The following ACACA variants were observed in gnomAD, a reference collection of about 807,000 sequenced individuals.
ACACA encodes the protein acetyl-CoA carboxylase alpha.
In ACACA, 103 loss-of-function variants were observed where a neutral mutation model predicts 296.1. That is an observed-to-expected ratio of 0.35 (90% CI 0.30 to 0.41). The LOEUF (loss-of-function observed/expected upper bound fraction) is 0.41, where lower values mean the gene tolerates loss of function less well. Among genes scored for constraint, ACACA ranks in the 10% least tolerant of loss-of-function variants. The pLI is 1.00. For missense variants in ACACA, 1,554 were observed against 2,989.7 expected (o/e 0.52, Z 11.20); for synonymous variants, 953 against 1,038.6 (o/e 0.92, Z 1.58).
intron 45 of ACACA, among the ~76,000 whole-genome samples, chr17:37,147,359 G>C (rs2075855576): frequency 3.9e-5 from 6 of 152,094 alleles, no homozygotes; most frequent in Admixed American, 3.9e-4. Flanking sequence ...CAAAGAGACA[G>C]AAAGATCAGC....
intron 18 of ACACA, among the ~76,000 whole-genome samples, chr17:37,247,463 G>A (rs951521253): frequency 2.0e-5 from 3 of 150,926 alleles, no homozygotes; most frequent in African/African-American, 4.9e-5. Flanking sequence ...CACCTCCCAG[G>A]TTCACGTGAT....
chr17:37,089,181 T>C, intron 54 of ACACA, 107 bp from the exon 55 acceptor site: 1 of 1,483,658 alleles, frequency 6.7e-7, no homozygotes. Flanking sequence ...GTGCTCCGTG[T>C]CCACGATTCT....
chr17:37,148,508 G>A (rs1253384160), intron 45 of ACACA, among the ~76,000 whole-genome samples: 1 of 152,100 alleles, frequency 6.6e-6, no homozygotes, highest in Admixed American at 6.5e-5. Context: ...TTAAACCAAT[G>A]GAATTATCAA....
At chr17:37,240,142 A>G (rs2080319321) in intron 24 of ACACA, among the ~76,000 whole-genome samples, 1 of 152,200 alleles carries the variant, frequency 6.6e-6, no homozygotes, top group Non-Finnish European at 1.5e-5. Context: ...GGGTTTCTCA[A>G]TTTCAGCCTG....
At chr17:37,232,953 C>A (rs929675726) in intron 25 of ACACA, among the ~76,000 whole-genome samples, 1 of 152,060 alleles carries the variant, frequency 6.6e-6, no homozygotes, top group African/African-American at 2.4e-5. Context: ...TGAAACAGCT[C>A]TTTTCCCTAA....
Position 37,085,938 on chromosome 17 carries a change from G to C in ACACA, c.*1378C>G, listed in dbSNP as rs914900093. ...AGGAACCGGATGCTACACCAGCCCTGATCACCTGCCACTCTTGCTTTAGGA... is the reference window on the plus strand; with the variant it reads ...AGGAACCGGATGCTACACCAGCCCTCATCACCTGCCACTCTTGCTTTAGGA... On this transcript the variant is annotated 3_prime_UTR_variant, in exon 56 of 56. Coordinates refer to ENST00000616317, the MANE Select transcript of ACACA (RefSeq NM_198834.3). 2.5e-6 allele frequency: 1 copy of C among 398,206 alleles called. No homozygotes were observed. The highest frequency in any genetic ancestry group is 4.4e-6 in the Non-Finnish European group (1 of 226,024). 24.7% of individuals were successfully genotyped at this position (398,206 alleles called of 1,614,324 possible).
chr17:37,088,405 G>T (rs1386856969), intron 55 of ACACA, among the ~76,000 whole-genome samples: 1 of 152,168 alleles, frequency 6.6e-6, no homozygotes, highest in East Asian at 1.9e-4. Flanking sequence ...GGGAGAAAAT[G>T]TAACAGGTAA....
chr17:37,336,346 GA>G (rs1390891079), intron 2 of ACACA, among the ~76,000 whole-genome samples: 1 of 152,160 alleles, frequency 6.6e-6, no homozygotes, highest in Non-Finnish European at 1.5e-5. Flanking sequence ...TTCCTGTTGA[GA>G]GGGGGGACTG....
intron 3 of ACACA, among the ~76,000 whole-genome samples, chr17:37,304,770 C>A (rs2083791220): frequency 6.8e-6 from 1 of 146,086 alleles, no homozygotes; most frequent in African/African-American, 2.6e-5. Flanking sequence ...GCCTGGGCAA[C>A]AAGAGCGAAA....
At chr17:37,299,227 A>T in intron 3 of ACACA, 1 of 1,559,662 alleles carries the variant, frequency 6.4e-7, no homozygotes, top group Non-Finnish European at 8.8e-7. Flanking sequence ...TCAGTACCTT[A>T]CTGTTTTTTT....
chr17:37,361,683 A>C (rs1433413920), intron 1 of ACACA, among the ~76,000 whole-genome samples: 2 of 152,198 alleles, frequency 1.3e-5, no homozygotes, highest in Non-Finnish European at 2.9e-5. Flanking sequence ...GAATTTCAGC[A>C]ACCCCTGAGT....
chr17:37,173,982 T>TA (rs2076973842), intron 41 of ACACA, among the ~76,000 whole-genome samples: 1 of 19,450 alleles, frequency 5.1e-5, no homozygotes, highest in African/African-American at 1.7e-4. Flanking sequence ...CCTGGCTAAT[T>TA]TATATATATA....
At chr17:37,193,337 A>AC (rs1567793210) in intron 36 of ACACA, 37 bp downstream of exon 36, 1 of 1,217,728 alleles carries the variant, frequency 8.2e-7, no homozygotes, top group African/African-American at 1.5e-5. Context: ...AGAAAAAGTA[A>AC]TTTTTTTTTT....
chr17:37,351,861 T>C (rs145874574), intron 1 of ACACA, among the ~76,000 whole-genome samples: 6 of 151,786 alleles, frequency 4.0e-5, no homozygotes, highest in African/African-American at 1.5e-4. Flanking sequence ...CCTCTTCTAA[T>C]TGTTTTAGAT....
chr17:37,358,319 C>A (rs143225886), intron 1 of ACACA, among the ~76,000 whole-genome samples: 5 of 152,358 alleles, frequency 3.3e-5, no homozygotes, highest in African/African-American at 1.2e-4. Context: ...TCATTAGCTT[C>A]ACATCAGCTT....
chr17:37,135,934 G>A (rs1278977719), intron 45 of ACACA, among the ~76,000 whole-genome samples: 1 of 146,294 alleles, frequency 6.8e-6, no homozygotes, highest in Non-Finnish European at 1.5e-5. Context: ...TTTTTGTAGA[G>A]ACAAGGTCTT....
chr17:37,406,552 T>C lies in ACACA; in HGVS notation c.-253A>G. 1.7e-6 allele frequency: 1 copy of C among 602,056 alleles called. No homozygotes were observed. Among genetic ancestry groups the C allele is most frequent in the Non-Finnish European group, 3.0e-6 (1 of 338,592 alleles). 37.3% of individuals were successfully genotyped at this position (602,056 alleles called of 1,614,324 possible). A position where few individuals can be genotyped will look rare whatever the true frequency, so the allele number is the denominator to read the frequency against. ...GCAACAGGGGTGGAGATGGGAACGT[T>C]ATCCCCAAACCCAGGCAGTCCCGGC... On this transcript the variant is annotated 5_prime_UTR_variant, in exon 1 of 56. The change creates a new upstream start codon in the 5' untranslated region. Coordinates refer to ENST00000616317, the MANE Select transcript of ACACA (RefSeq NM_198834.3).
At chr17:37,088,313 T>TAACA (rs1205079860) in intron 55 of ACACA, among the ~76,000 whole-genome samples, 1 of 152,172 alleles carries the variant, frequency 6.6e-6, no homozygotes, top group Admixed American at 6.6e-5. Flanking sequence ...ATGATATATG[T>TAACA]AACACCCTTA....
At chr17:37,380,453 T>A (rs189954423) in intron 1 of ACACA, among the ~76,000 whole-genome samples, 1 of 151,944 alleles carries the variant, frequency 6.6e-6, no homozygotes, top group East Asian at 1.9e-4. Flanking sequence ...AGAAAATGAA[T>A]TATCCTCCCC....
Sources: gnomAD v4.1 joint callset for allele counts (sites outside exome capture counted in the v4.1 genomes callset) on GRCh38, gnomAD v4.1.1 for gene constraint, MANE v1.5 for transcripts, NCBI Gene and HGNC (gene_info 2026-07-23, HGNC 2026-07-21) for gene names.